Variants in TYW1 observed in about 807,000 individuals in gnomAD.
TYW1 encodes the protein tRNA-yW synthesizing protein 1 homolog.
In TYW1, 46 loss-of-function variants were observed where a neutral mutation model predicts 96.2. The ratio of observed to expected loss-of-function variants is 0.48; its 90% CI spans 0.38 to 0.61. TYW1 has a LOEUF of 0.61. TYW1 is among the 20% of genes least tolerant of loss of function. TYW1 has a pLI of 0.00. For missense variants in TYW1, 684 were observed against 909.6 expected, an observed-to-expected ratio of 0.75 and a Z score of 3.19; for synonymous variants, 274 against 323.0, an observed-to-expected ratio of 0.85 and a Z score of 1.63.
chr7:67,208,644 C>T (rs555764473), intron 15 of TYW1, among the ~76,000 whole-genome samples: 25 of 148,154 alleles, frequency 1.7e-4, no homozygotes, highest in Middle Eastern at 3.6e-3. Context: ...GAGCCGAGAT[C>T]GCGCCACTGC....
intron 12 of TYW1, among the ~76,000 whole-genome samples, chr7:67,106,638 G>A (rs1173922668): frequency 6.6e-6 from 1 of 152,184 alleles, no homozygotes; most frequent in Non-Finnish European, 1.5e-5. Context: ...CTTCATGAGT[G>A]TGCCAGAGTT....
chr7:67,178,281 G>A (rs4101640), intron 13 of TYW1, among the ~76,000 whole-genome samples: 42,778 of 152,078 alleles, frequency 0.28, 6,530 homozygotes, highest in African/African-American at 0.4. Flanking sequence ...TTCACTAGTA[G>A]TGTGTTCATA....
intron 13 of TYW1, among the ~76,000 whole-genome samples, chr7:67,155,968 A>G (rs1355265995): frequency 6.6e-6 from 1 of 151,278 alleles, no homozygotes; most frequent in East Asian, 2.0e-4. Context: ...TTTGATTGTA[A>G]TCAATGTCAG....
intron 13 of TYW1, among the ~76,000 whole-genome samples, chr7:67,163,763 G>A (rs1473521679): frequency 1.3e-5 from 2 of 151,570 alleles, no homozygotes; most frequent in African/African-American, 4.9e-5. Context: ...CCGCCTCCTG[G>A]GTTCAAGTGA....
At chr7:67,140,264 A>G (rs970442704) in intron 13 of TYW1, among the ~76,000 whole-genome samples, 54 of 152,344 alleles carry the variant, frequency 3.5e-4, no homozygotes, top group Non-Finnish European at 6.6e-4. Context: ...GCCAAACCAT[A>G]TCACCTTGTT....
intron 15 of TYW1, among the ~76,000 whole-genome samples, chr7:67,234,395 C>G (rs1801823875): frequency 1.3e-5 from 2 of 149,192 alleles, no homozygotes; most frequent in Admixed American, 1.3e-4. Context: ...GGGCCCAAGT[C>G]ACTTGCTCAC....
intron 15 of TYW1, among the ~76,000 whole-genome samples, chr7:67,223,559 G>C (rs948996533): frequency 1.3e-5 from 2 of 151,256 alleles, no homozygotes; most frequent in Non-Finnish European, 2.9e-5. Context: ...GTAGGGATGG[G>C]GGAAGCACTG....
At chr7:67,123,916 T>C (rs958218618) in intron 13 of TYW1, among the ~76,000 whole-genome samples, 6 of 152,148 alleles carry the variant, frequency 3.9e-5, no homozygotes, top group African/African-American at 1.4e-4. Flanking sequence ...GTGGAAGCCA[T>C]TGTATAGAGG....
chr7:67,002,519 C>T (rs1793436296), intron 3 of TYW1, among the ~76,000 whole-genome samples: 2 of 152,152 alleles, frequency 1.3e-5, no homozygotes, highest in Non-Finnish European at 2.9e-5. Context: ...AATGAGAAAG[C>T]GAATTTGTAG....
intron 13 of TYW1, among the ~76,000 whole-genome samples, chr7:67,126,224 C>T (rs1177152724): frequency 1.3e-5 from 2 of 148,972 alleles, no homozygotes; most frequent in African/African-American, 5.1e-5. Context: ...ATTTTGCATT[C>T]CCCTGATGAC....
chr7:67,136,650 CGTGTGTGTGTGTGT>C (rs59522817), intron 13 of TYW1, among the ~76,000 whole-genome samples: 47 of 144,080 alleles, frequency 3.3e-4, no homozygotes, highest in African/African-American at 4.3e-4. Flanking sequence ...TTATACAGTG[CGTGTGTGTGTGTGT>C]GTGTGTGTGT....
At chr7:67,220,540 G>C (rs1391290738) in intron 15 of TYW1, among the ~76,000 whole-genome samples, 2 of 151,822 alleles carry the variant, frequency 1.3e-5, no homozygotes, top group African/African-American at 4.8e-5. Flanking sequence ...ATTGTTCTTG[G>C]AGAATATGCT....
intron 13 of TYW1, among the ~76,000 whole-genome samples, chr7:67,127,291 A>G (rs545441140): frequency 6.6e-6 from 1 of 151,544 alleles, no homozygotes; most frequent in East Asian, 1.9e-4. Flanking sequence ...CCCAAGTAGC[A>G]GGGATTACAG....
chr7:67,141,781 A>T (rs1798458390), intron 13 of TYW1, among the ~76,000 whole-genome samples: 1 of 152,226 alleles, frequency 6.6e-6, no homozygotes, highest in African/African-American at 2.4e-5. Flanking sequence ...CACACCTGTA[A>T]TCCCGGCACT....
chr7:67,057,626 C>T (rs1372722704), intron 9 of TYW1, among the ~76,000 whole-genome samples: 1 of 152,198 alleles, frequency 6.6e-6, no homozygotes, highest in East Asian at 1.9e-4. Flanking sequence ...GCACCTCAGC[C>T]TCCCAAAGTG....
intron 6 of TYW1, among the ~76,000 whole-genome samples, chr7:67,023,851 G>A (rs1485552262): frequency 1.3e-5 from 2 of 152,160 alleles, no homozygotes; most frequent in Non-Finnish European, 2.9e-5. Context: ...TGGAGAAAGG[G>A]ATGAAGGCTG....
chr7:67,198,393 A>G (rs756102811), intron 15 of TYW1, among the ~76,000 whole-genome samples: 1 of 151,940 alleles, frequency 6.6e-6, no homozygotes, highest in Non-Finnish European at 1.5e-5. Context: ...TCTAATAAAA[A>G]TACTAAAATT....
intron 13 of TYW1, among the ~76,000 whole-genome samples, chr7:67,128,734 G>T (rs1352539056): frequency 6.7e-6 from 1 of 150,366 alleles, no homozygotes; most frequent in Non-Finnish European, 1.5e-5. Context: ...TCTGTCACAG[G>T]CTGGAGTGCA....
At position 67,162,141 on chromosome 7, in the gene TYW1, A is replaced by C. The variant is rs1799180297; in HGVS notation, c.1699-20985A>C. On this transcript the variant is annotated intron_variant, in intron 13 of 15. Coordinates refer to ENST00000359626, the MANE Select transcript of TYW1 (RefSeq NM_018264.4). ...GAAACCCTGTCTCTATTAAAAATAC[A>C]AAAAAAACAAAAAAACAAAAAAATT... Among the ~76,000 whole-genome samples the C allele has an allele frequency of 2.7e-5, 4 of 145,612 alleles. 1 individual carries two copies. The highest frequency in any genetic ancestry group is 1.1e-4 in the African/African-American group (4 of 35,758).
Sources: gnomAD v4.1 joint callset for allele counts (sites outside exome capture counted in the v4.1 genomes callset) on GRCh38, gnomAD v4.1.1 for gene constraint, MANE v1.5 for transcripts, NCBI Gene and HGNC (gene_info 2026-07-23, HGNC 2026-07-21) for gene names.